PRSS35: variants seen among roughly 807,000 people sequenced by gnomAD.
The protein encoded by PRSS35 is inactive serine protease 35.
PRSS35 carries 7 observed loss-of-function variants against 8.1 expected under a neutral mutation model. The ratio of observed to expected loss-of-function variants is 0.86; its 90% CI spans 0.49 to 1.62. The LOEUF is 1.62. Ranked by LOEUF, PRSS35 falls within the 40% of genes most tolerant of loss-of-function variation. The pLI is 0.00. For synonymous variants in PRSS35, 199 were observed against 188.7 expected (o/e 1.05, Z -0.45); for missense variants, 566 against 518.0 (o/e 1.09, Z -0.90).
intron 1 of PRSS35, among the ~76,000 whole-genome samples, chr6:83,518,878 T>G (rs1300680197): frequency 2.0e-5 from 3 of 152,174 alleles, no homozygotes; most frequent in Non-Finnish European, 2.9e-5. Context: ...GAAGTCGAAA[T>G]TACTATAATA....
rs540021289 is a variant in PRSS35 at position 83,515,072 on chromosome 6, A to AAC, written c.-21+2380_-21+2381dup. On this transcript the variant is annotated intron_variant, in intron 1 of 1. Transcript: ENST00000369700. ...GCTAATTTTGCCATCTAGTGGTAGC[A>AAC]ACATGGATAACAGGCAAGTTCTTCC... Among the ~76,000 whole-genome samples, 408 of 152,332 alleles carry AAC rather than the reference A, an allele frequency of 2.7e-3. 3 individuals are homozygous for AAC. Among genetic ancestry groups the AAC allele is most frequent in the African/African-American group, 9.3e-3 (387 of 41,572 alleles).
At chr6:83,517,552 A>T (rs1771746446) in intron 1 of PRSS35, among the ~76,000 whole-genome samples, 1 of 152,126 alleles carries the variant, frequency 6.6e-6, no homozygotes, top group Non-Finnish European at 1.5e-5. Context: ...GTCACTTGTA[A>T]TTCTCCCCCT....
chr6:83,521,302 C>T (rs1226840813), intron 1 of PRSS35, among the ~76,000 whole-genome samples: 2 of 151,598 alleles, frequency 1.3e-5, no homozygotes, highest in Non-Finnish European at 2.9e-5. Context: ...GAGTTGTGAG[C>T]CTTTTTCATT....
At chr6:83,514,320 G>A (rs1225882172) in intron 1 of PRSS35, among the ~76,000 whole-genome samples, 1 of 152,128 alleles carries the variant, frequency 6.6e-6, no homozygotes, top group Non-Finnish European at 1.5e-5. Context: ...TTTATCCATA[G>A]GATTGCACAA....
intron 1 of PRSS35, among the ~76,000 whole-genome samples, chr6:83,521,797 C>T (rs144855459): frequency 6.8e-4 from 103 of 152,118 alleles, no homozygotes; most frequent in East Asian, 3.3e-3. Context: ...CTACCACACC[C>T]GGCCTGCTTA....
At chr6:83,522,487 A>G (rs754029931) in intron 1 of PRSS35, among the ~76,000 whole-genome samples, 21 of 152,198 alleles carry the variant, frequency 1.4e-4, no homozygotes, top group Non-Finnish European at 2.5e-4. Context: ...ATATTTAAAT[A>G]ACACAAGAAC....
Position 83,524,584 on chromosome 6 carries a change from T to C in PRSS35, c.1143T>C (p.Val381=), listed in dbSNP as rs754716818. The C allele has an allele frequency of 2.5e-6, 4 of 1,614,064 alleles. No individual in the cohort carries two copies. Among genetic ancestry groups the C allele is most frequent in the Non-Finnish European group, 2.5e-6 (3 of 1,180,038 alleles). ...ACCAGTGGGTGGATGTCCACGGGGT[T>C]CAGAAGGACTACAACGTTGCTGTTC... ...SGHQWVDVHG[V]QKDYNVAVRI... The change falls in exon 2 of 2, where the codon GTT becomes GTC. Residue 381 remains valine (V), a synonymous_variant. Transcript: ENST00000369700.
intron 1 of PRSS35, among the ~76,000 whole-genome samples, chr6:83,516,484 A>G (rs1352747788): frequency 1.3e-5 from 2 of 151,350 alleles, no homozygotes; most frequent in Admixed American, 6.6e-5. Flanking sequence ...GCTGAGGCTG[A>G]AGAATGGCGT....
intron 1 of PRSS35, among the ~76,000 whole-genome samples, chr6:83,522,031 G>C (rs975818695): frequency 1.3e-5 from 2 of 152,118 alleles, no homozygotes; most frequent in Non-Finnish European, 2.9e-5. Context: ...TTTTGTGCCA[G>C]TGCACACATC....
At chr6:83,517,318 T>C (rs917126108) in intron 1 of PRSS35, among the ~76,000 whole-genome samples, 3 of 152,188 alleles carry the variant, frequency 2.0e-5, no homozygotes, top group African/African-American at 7.2e-5. Flanking sequence ...CCCTTTTTTA[T>C]TACGTTACAG....
At chr6:83,515,723 C>A (rs968794718) in intron 1 of PRSS35, among the ~76,000 whole-genome samples, 1 of 152,236 alleles carries the variant, frequency 6.6e-6, no homozygotes, top group Admixed American at 6.5e-5. Flanking sequence ...CTCAAGTGAT[C>A]CTCCCATCCC....
At position 83,523,770 on chromosome 6, in the gene PRSS35, A is replaced by G. The variant is rs1347091650; in HGVS notation, c.329A>G (p.Asn110Ser). 1.9e-6 allele frequency: 3 copies of G among 1,614,196 alleles called. No individual in the cohort carries two copies. Among genetic ancestry groups the G allele is most frequent in the Non-Finnish European group, 2.5e-6 (3 of 1,180,036 alleles). The change falls in exon 2 of 2, where the codon AAT (asparagine) becomes AGT (serine). Residue 110 changes from asparagine (N) to serine (S), a missense_variant. Physicochemically the swap from Asn to Ser is conservative, Grantham distance 46 (BLOSUM62 1). Transcript: ENST00000369700. ...GATTTGGTTCTTGAGCCGACTCAAAATATCACCACAAAGGGAGTATCTGTT... is the reference window on the plus strand; with the variant it reads ...GATTTGGTTCTTGAGCCGACTCAAAGTATCACCACAAAGGGAGTATCTGTT... ...VQDLVLEPTQ[N>S]ITTKGVSVRR...
At chr6:83,514,894 A>G (rs556481351) in intron 1 of PRSS35, among the ~76,000 whole-genome samples, 54 of 152,312 alleles carry the variant, frequency 3.5e-4, no homozygotes, top group Admixed American at 5.9e-4. Flanking sequence ...AATAAATTTC[A>G]TATGTCTCCC....
Position 83,524,426 on chromosome 6 carries a change from G to A in PRSS35, c.985G>A (p.Asp329Asn), listed in dbSNP as rs1157353385. ...QLVYRFCSVS[D>N]ESNDLLYQYC... is the part of the protein sequence containing the mutation. ...GGTCTATCGGTTTTGCAGTGTGTCC[G>A]ACGAATCCAATGATCTCCTTTACCA... Residue 329 changes from aspartate (D) to asparagine (N), a missense_variant, in exon 2 of 2, where the codon GAC (aspartate) becomes AAC (asparagine). Coordinates refer to ENST00000369700, the MANE Select transcript of PRSS35 (RefSeq NM_153362.3). 5 of 1,614,144 alleles carry A rather than the reference G, an allele frequency of 3.1e-6. No individual in the cohort carries two copies. The highest frequency in any genetic ancestry group is 1.7e-5 in the Admixed American group (1 of 60,016).
At chr6:83,513,984 C>A (rs900326434) in intron 1 of PRSS35, among the ~76,000 whole-genome samples, 16 of 152,144 alleles carry the variant, frequency 1.1e-4, no homozygotes, top group Admixed American at 8.5e-4. Flanking sequence ...TTTACCTTAG[C>A]ACTGAGGTAA....
intron 1 of PRSS35, among the ~76,000 whole-genome samples, chr6:83,515,086 G>A (rs1314225068): frequency 6.6e-6 from 1 of 152,146 alleles, no homozygotes; most frequent in African/African-American, 2.4e-5. Flanking sequence ...TGGATAACAG[G>A]CAAGTTCTTC....
rs1263690781 is a variant in PRSS35, at chr6:83,523,995, G to A, written c.554G>A (p.Arg185Lys). 1 of 1,614,036 alleles carries A rather than the reference G, an allele frequency of 6.2e-7. No homozygotes were observed. Among genetic ancestry groups the A allele is most frequent in the East Asian group, 2.2e-5 (1 of 44,882 alleles). The change falls in exon 2 of 2, where the codon AGG becomes AAG. Residue 185 changes from arginine to lysine, a missense_variant. Coordinates refer to ENST00000369700, the MANE Select transcript of PRSS35 (RefSeq NM_153362.3). ...KDYVKGSKKL[R>K]VGLLKMRNKS... ...TATGTCAAAGGGAGTAAAAAGCTAA[G>A]GGTAGGGTTGTTGAAGATGAGGAAT...
chr6:83,519,104 A>G (rs770191285), intron 1 of PRSS35, among the ~76,000 whole-genome samples: 2 of 152,242 alleles, frequency 1.3e-5, no homozygotes, highest in Non-Finnish European at 2.9e-5. Context: ...ACAAAAGGGT[A>G]ATAGTAAGTG....
At chr6:83,516,239 A>T (rs1158317304) in intron 1 of PRSS35, among the ~76,000 whole-genome samples, 9 of 152,246 alleles carry the variant, frequency 5.9e-5, no homozygotes, top group Non-Finnish European at 1.3e-4. Flanking sequence ...CAGTGGTTTA[A>T]AACAACACAA....
Sources: allele counts gnomAD v4.1 joint callset (sites outside exome capture counted in the v4.1 genomes callset), GRCh38; gene constraint gnomAD v4.1.1; transcripts MANE v1.5; gene names NCBI Gene and HGNC (gene_info 2026-07-23, HGNC 2026-07-21).